SYK: variants seen among roughly 807,000 people sequenced by gnomAD.
SYK encodes spleen associated tyrosine kinase, also known as tyrosine-protein kinase SYK.
In SYK, 16 loss-of-function variants were observed where a neutral mutation model predicts 77.8. That is an observed-to-expected ratio of 0.21 (90% CI 0.14 to 0.31). The LOEUF (loss-of-function observed/expected upper bound fraction) is 0.31, where lower values mean the gene tolerates loss of function less well. Among genes scored for constraint, SYK ranks in the 10% least tolerant of loss-of-function variants. The pLI, the probability that SYK is intolerant of heterozygous loss-of-function variation, is 1.00. For missense variants in SYK, 529 were observed against 814.4 expected, an observed-to-expected ratio of 0.65 and a Z score of 4.26; for synonymous variants, 312 against 308.7, an observed-to-expected ratio of 1.01 and a Z score of -0.11.
chr9:90,860,371 A>G (rs1452532808), intron 3 of SYK, among the ~76,000 whole-genome samples: 1 of 152,258 alleles, frequency 6.6e-6, no homozygotes, highest in African/African-American at 2.4e-5. Flanking sequence ...GTCTCACTTT[A>G]TAAGATACTT....
chr9:90,824,623 A>G (rs1279999174), intron 1 of SYK, among the ~76,000 whole-genome samples: 1 of 152,106 alleles, frequency 6.6e-6, no homozygotes, highest in African/African-American at 2.4e-5. Context: ...GAAAAATCAT[A>G]TGACCATGTT....
chr9:90,850,360 A>G (rs1826770603), intron 3 of SYK, among the ~76,000 whole-genome samples: 2 of 152,184 alleles, frequency 1.3e-5, no homozygotes, highest in African/African-American at 2.4e-5. Flanking sequence ...TACTAACAGT[A>G]TAAAAATTAG....
intron 11 of SYK, among the ~76,000 whole-genome samples, chr9:90,886,476 C>A (rs1330149582): frequency 6.6e-6 from 1 of 152,264 alleles, no homozygotes; most frequent in East Asian, 1.9e-4. Flanking sequence ...AAGCCCGAGG[C>A]AGGCAGATCA....
chr9:90,825,880 T>C (rs1221901047), intron 1 of SYK, among the ~76,000 whole-genome samples: 1 of 152,162 alleles, frequency 6.6e-6, no homozygotes, highest in Non-Finnish European at 1.5e-5. Context: ...CTAAGAGAGC[T>C]TGGATTTTCA....
chr9:90,861,945 A>G (rs968366464), intron 3 of SYK, among the ~76,000 whole-genome samples: 1 of 152,146 alleles, frequency 6.6e-6, no homozygotes, highest in Non-Finnish European at 1.5e-5. Context: ...GAGCTTAGCC[A>G]TGGTCCATTC....
intron 3 of SYK, 123 bp downstream of exon 3, chr9:90,845,717 A>T: frequency 8.9e-7 from 1 of 1,127,850 alleles, no homozygotes; most frequent in South Asian, 1.6e-5. Flanking sequence ...TTGCCATTTG[A>T]CAACATGCAT....
Position 90,844,312 on chromosome 9 carries a change from G to A in SYK, c.414G>A (p.Leu138=), listed in dbSNP as rs142980255. 95 of 1,600,998 alleles carry A rather than the reference G, an allele frequency of 5.9e-5. No homozygotes were observed. The highest frequency in any genetic ancestry group is 7.3e-5 in the Non-Finnish European group (86 of 1,173,434). The change falls in exon 2 of 14, where the codon CTG becomes CTA. Residue 138 remains leucine, a synonymous_variant. Coordinates refer to ENST00000375754, the MANE Select transcript of SYK (RefSeq NM_003177.7). ...IREYVKQTWN[L]QGQALEQAII... Reference sequence around the variant, plus strand: ...AATATGTGAAGCAGACATGGAACCTGCAGGTGGGCCACAGCTGGTCCTGCT... The same window carrying A: ...AATATGTGAAGCAGACATGGAACCTACAGGTGGGCCACAGCTGGTCCTGCT...
chr9:90,825,119 C>CAAAA (rs148061358), intron 1 of SYK, among the ~76,000 whole-genome samples: 1 of 93,362 alleles, frequency 1.1e-5, no homozygotes, highest in African/African-American at 3.7e-5. Context: ...ACCAAAAAGA[C>CAAAA]AAAAAAAAAA....
chr9:90,831,777 T>G (rs1825904713), intron 1 of SYK, among the ~76,000 whole-genome samples: 1 of 152,246 alleles, frequency 6.6e-6, no homozygotes, highest in Non-Finnish European at 1.5e-5. Flanking sequence ...CTTTCTTGTT[T>G]TAGCTCTTAT....
Position 90,884,278 on chromosome 9 carries a change from C to CACATAT in SYK, c.1582-3468_1582-3467insTATACA, listed in dbSNP as rs1409970220. 5.9e-5 allele frequency among the ~76,000 whole-genome samples: 7 copies of CACATAT among 118,530 alleles called. 1 individual carries two copies. Among genetic ancestry groups the CACATAT allele is most frequent in the African/African-American group, 2.3e-4 (7 of 30,154 alleles). 77.8% of individuals were successfully genotyped at this position (118,530 alleles called of 152,430 possible). A position where few individuals can be genotyped will look rare whatever the true frequency, so the allele number is the denominator to read the frequency against. The stretch of plus-strand genomic sequence containing the variant: ...ACACATACACATACGTGTATATATA[C>CACATAT]ACACATATACACATACGTGTATATA... On this transcript the variant is annotated intron_variant, in intron 11 of 13. Coordinates refer to ENST00000375754, the MANE Select transcript of SYK (RefSeq NM_003177.7).
intron 10 of SYK, among the ~76,000 whole-genome samples, chr9:90,878,505 G>T (rs1828028060): frequency 6.6e-6 from 1 of 152,186 alleles, no homozygotes; most frequent in South Asian, 2.1e-4. Flanking sequence ...CTGTGAGCCA[G>T]GCCTGACTAC....
At chr9:90,843,035 C>A (rs1247553893) in intron 1 of SYK, among the ~76,000 whole-genome samples, 1 of 152,164 alleles carries the variant, frequency 6.6e-6, no homozygotes, top group Non-Finnish European at 1.5e-5. Context: ...CAAGCAGTGT[C>A]TCTCCTGTGT....
At chr9:90,879,334 A>G (rs1442541585) in intron 11 of SYK, among the ~76,000 whole-genome samples, 4 of 152,182 alleles carry the variant, frequency 2.6e-5, no homozygotes, top group African/African-American at 9.7e-5. Context: ...AACATTACGA[A>G]TCTCAGTAGA....
At chr9:90,830,423 C>A (rs1825838166) in intron 1 of SYK, among the ~76,000 whole-genome samples, 1 of 152,166 alleles carries the variant, frequency 6.6e-6, no homozygotes, top group Admixed American at 6.5e-5. Flanking sequence ...TGCCCCCAGC[C>A]CTTTGCAGAT....
chr9:90,806,527 G>T (rs1197048875), intron 1 of SYK, among the ~76,000 whole-genome samples: 10 of 151,958 alleles, frequency 6.6e-5, no homozygotes, highest in African/African-American at 2.4e-4. Context: ...GATCCACTGT[G>T]CCCAGCCCTA....
At chr9:90,819,877 C>A (rs7870539) in intron 1 of SYK, among the ~76,000 whole-genome samples, 1,769 of 152,322 alleles carry the variant, frequency 0.012, 40 homozygotes, top group African/African-American at 0.039. Context: ...TCCCTTCCAT[C>A]TCTGAGCCTG....
At chr9:90,834,261 T>C (rs1382660153) in intron 1 of SYK, among the ~76,000 whole-genome samples, 1 of 150,988 alleles carries the variant, frequency 6.6e-6, no homozygotes, top group Non-Finnish European at 1.5e-5. Flanking sequence ...CTGCCCGTGC[T>C]TTTTCCTTCA....
intron 5 of SYK, 130 bp from the exon 6 acceptor site, chr9:90,864,918 T>C (rs1458221204): frequency 4.4e-6 from 4 of 913,622 alleles, no homozygotes; most frequent in African/African-American, 3.3e-5. Context: ...TCGAAAGAAG[T>C]ACCTGCAGAA....
intron 5 of SYK, 63 bp downstream of exon 5, chr9:90,864,730 A>T: frequency 6.8e-7 from 1 of 1,470,668 alleles, no homozygotes; most frequent in Non-Finnish European, 9.5e-7. Context: ...GCCTCATTTT[A>T]GACTTAGCTG....
Sources: allele counts gnomAD v4.1 joint callset (sites outside exome capture counted in the v4.1 genomes callset), GRCh38; gene constraint gnomAD v4.1.1; transcripts MANE v1.5; gene names NCBI Gene and HGNC (gene_info 2026-07-23, HGNC 2026-07-21).